Variants in MALT1 observed in about 807,000 individuals in gnomAD.
MALT1 encodes the protein mucosa-associated lymphoid tissue lymphoma translocation protein 1.
A neutral mutation model predicts 85.5 loss-of-function variants in MALT1; 36 were observed. The ratio of observed to expected loss-of-function variants is 0.42; its 90% confidence interval spans 0.32 to 0.56. MALT1 has a LOEUF of 0.56. Ranked by LOEUF, MALT1 falls within the 20% of genes least tolerant of loss-of-function variation. MALT1 has a pLI of 0.10. For synonymous variants in MALT1, 359 were observed against 361.3 expected (o/e 0.99, Z 0.07); for missense variants, 716 against 981.6 (o/e 0.73, Z 3.62).
chr18:58,736,933 CCT>C (rs1253157467), intron 13 of MALT1, among the ~76,000 whole-genome samples: 11 of 152,280 alleles, frequency 7.2e-5, no homozygotes, highest in Admixed American at 4.6e-4. Flanking sequence ...GTGTCTGACC[CCT>C]GTCTTAGTAG....
intron 13 of MALT1, among the ~76,000 whole-genome samples, chr18:58,737,446 T>C (rs1317957690): frequency 7.0e-6 from 1 of 142,824 alleles, no homozygotes; most frequent in Non-Finnish European, 1.5e-5. Flanking sequence ...ACACCACTGC[T>C]CTCCAGCATG....
At chr18:58,727,616 G>GTGTTTTTTTTTTTTT (rs2055077198) in intron 10 of MALT1, among the ~76,000 whole-genome samples, 2 of 121,264 alleles carry the variant, frequency 1.6e-5, no homozygotes, top group African/African-American at 6.5e-5. Flanking sequence ...GGTTTTTTGT[G>GTGTTTTTTTTTTTTT]TTTTTTTTTT....
At position 58,747,849 on chromosome 18, in the gene MALT1, T is replaced by C. The variant is rs764214098; in HGVS notation, c.*7T>C. ...CAGAATTTCTGAAAAATGACCTCCT[T>C]GTTTTTGAAAGTTAGCATAATTTTA... On this transcript the variant is annotated 3_prime_UTR_variant, in exon 17 of 17. Transcript: ENST00000649217. 6.2e-6 allele frequency: 10 copies of C among 1,607,138 alleles called. No homozygotes were observed. The highest frequency in any genetic ancestry group is 1.1e-5 in the South Asian group (1 of 90,514).
At position 58,749,221 on chromosome 18, in the gene MALT1, G is replaced by T. The variant is rs1602348959; in HGVS notation, c.*1379G>T. The stretch of plus-strand genomic sequence containing the variant: ...AAATATGGAACAACTGCTTTTAGGA[G>T]AAAGTGTATTTGTGTATATGTGTGT... On this transcript the variant is annotated 3_prime_UTR_variant, in exon 17 of 17. Coordinates refer to ENST00000649217, the MANE Select transcript of MALT1 (RefSeq NM_006785.4). 4 of 216,830 alleles carry T rather than the reference G, an allele frequency of 1.8e-5. No individual in the cohort carries two copies. The East Asian group carries it at 2.8e-4, about 15-fold the overall frequency. The allele number at this position is 216,830 out of a possible 1,614,324, so 13.4% of individuals were successfully genotyped here.
At chr18:58,684,352 A>T (rs190237650) in intron 2 of MALT1, among the ~76,000 whole-genome samples, 36 of 151,780 alleles carry the variant, frequency 2.4e-4, no homozygotes, top group African/African-American at 8.7e-4. Flanking sequence ...ACATTTTGAG[A>T]TCTAATAAAG....
chr18:58,735,284 T>C lies in MALT1; in HGVS notation c.1558T>C (p.Leu520=). The C allele has an allele frequency of 6.2e-7, 1 of 1,608,792 alleles. No homozygotes were observed. Among genetic ancestry groups the C allele is most frequent in the Non-Finnish European group, 8.5e-7 (1 of 1,178,110 alleles). The part of the protein sequence containing the change: ...IFMKFLKDRL[L]EDKKITVLLD... Reference sequence around the variant, plus strand: ...TATGAAATTTTTAAAAGACAGATTATTAGAAGATAAGAAAATCACTGTGTT... The same window carrying C: ...TATGAAATTTTTAAAAGACAGATTACTAGAAGATAAGAAAATCACTGTGTT... The change falls in exon 13 of 17, where the codon TTA becomes CTA. Residue 520 remains leucine, a synonymous_variant. Coordinates refer to ENST00000649217, the MANE Select transcript of MALT1 (RefSeq NM_006785.4).
intron 6 of MALT1, among the ~76,000 whole-genome samples, 158 bp from the exon 7 acceptor site, chr18:58,710,763 T>G (rs1469920358): frequency 6.6e-6 from 1 of 152,268 alleles, no homozygotes; most frequent in Non-Finnish European, 1.5e-5. Context: ...TATTTCAGCT[T>G]AATATATTTA....
chr18:58,689,216 A>G (rs2054457846), intron 2 of MALT1, among the ~76,000 whole-genome samples: 1 of 151,796 alleles, frequency 6.6e-6, no homozygotes, highest in South Asian at 2.1e-4. Context: ...TTAAAAGGCA[A>G]GAAAACCTAG....
At chr18:58,712,631 G>A (rs997309412) in intron 7 of MALT1, among the ~76,000 whole-genome samples, 2 of 152,108 alleles carry the variant, frequency 1.3e-5, no homozygotes, top group African/African-American at 4.8e-5. Flanking sequence ...ACAGTAGGGT[G>A]ACAATAGGTA....
chr18:58,703,287 G>A (rs1010179619), intron 4 of MALT1, among the ~76,000 whole-genome samples: 4 of 152,188 alleles, frequency 2.6e-5, no homozygotes, highest in Middle Eastern at 3.4e-3. Flanking sequence ...AACCCAGGGG[G>A]CGGAGGTTGC....
intron 4 of MALT1, among the ~76,000 whole-genome samples, chr18:58,706,392 T>C (rs538148990): frequency 8.1e-4 from 123 of 152,258 alleles, no homozygotes; most frequent in Non-Finnish European, 1.4e-3. Context: ...CCTGACCTAA[T>C]GATCCACCTG....
chr18:58,725,650 G>A (rs935858850), intron 10 of MALT1, among the ~76,000 whole-genome samples: 1 of 152,064 alleles, frequency 6.6e-6, no homozygotes, highest in African/African-American at 2.4e-5. Flanking sequence ...TTTCTGTATT[G>A]GTGAAGTATT....
chr18:58,737,534 C>A (rs72957651), intron 13 of MALT1, among the ~76,000 whole-genome samples: 25,470 of 151,170 alleles, frequency 0.17, 2,709 homozygotes, highest in East Asian at 0.29. Context: ...AGATTATAAG[C>A]CAAGCAGTTG....
At chr18:58,734,787 A>G (rs2055202107) in intron 12 of MALT1, among the ~76,000 whole-genome samples, 1 of 152,236 alleles carries the variant, frequency 6.6e-6, no homozygotes, top group African/African-American at 2.4e-5. Flanking sequence ...TATCAATGTC[A>G]TGTGAGAGGC....
chr18:58,709,396 C>G lies in MALT1; in HGVS notation c.668C>G (p.Ser223Cys), dbSNP rs1242811904. ...ESFQRSVDGV[S>C]ESKLQICVEP... Reference sequence around the variant, plus strand: ...ATTTAAGGAAGTGTTGATGGCGTCTCTGAATCCAAGTTGCAAATCTGTGTT... The same window carrying G: ...ATTTAAGGAAGTGTTGATGGCGTCTGTGAATCCAAGTTGCAAATCTGTGTT... The change falls in exon 5 of 17, where the codon TCT (serine) becomes TGT (cysteine). Residue 223 changes from serine to cysteine, a missense_variant. Ser to Cys is a moderately radical substitution (Grantham distance 112). Coordinates refer to ENST00000649217, the MANE Select transcript of MALT1 (RefSeq NM_006785.4). 6.3e-7 allele frequency: 1 copy of G among 1,589,950 alleles called. No individual in the cohort carries two copies. The highest frequency in any genetic ancestry group is 1.4e-5 in the African/African-American group (1 of 73,844).
At chr18:58,711,501 G>A (rs1484592310) in intron 7 of MALT1, among the ~76,000 whole-genome samples, 2 of 152,090 alleles carry the variant, frequency 1.3e-5, no homozygotes, top group African/African-American at 2.4e-5. Flanking sequence ...AATCTACCAT[G>A]TCACCTTTAC....
At position 58,742,030 on chromosome 18, in the gene MALT1, T is replaced by A. The variant is rs1568155848; in HGVS notation, c.1753+16T>A. 2 of 1,473,798 alleles carry A rather than the reference T, an allele frequency of 1.4e-6. No individual in the cohort carries two copies. Among genetic ancestry groups the A allele is most frequent in the Admixed American group, 1.8e-5 (1 of 54,422 alleles). 91.3% of individuals were successfully genotyped at this position (1,473,798 alleles called of 1,614,324 possible). On this transcript the variant is annotated intron_variant, in intron 14 of 16. Transcript: ENST00000649217. The stretch of plus-strand genomic sequence containing the variant: ...AAGGCTCATGGTACGGTAAAGCCCA[T>A]TTTTTGTTAGATCTACAATATACTT...
At position 58,750,474 on chromosome 18, in the gene MALT1, C is replaced by T. The variant is rs777038010; in HGVS notation, c.*2632C>T. The T allele has an allele frequency of 4.6e-5, 7 of 152,134 alleles. No homozygotes were observed. The highest frequency in any genetic ancestry group is 2.1e-4 in the South Asian group (1 of 4,826). 9.4% of individuals were successfully genotyped at this position (152,134 alleles called of 1,614,324 possible). ...CTTGGAAAAGAACAAAGTTGGAAGA[C>T]GTACCAATTTCAAAAAGTGCTACCA... On this transcript the variant is annotated 3_prime_UTR_variant, in exon 17 of 17. Coordinates refer to ENST00000649217, the MANE Select transcript of MALT1 (RefSeq NM_006785.4).
chr18:58,748,056 G>A lies in MALT1; in HGVS notation c.*214G>A, dbSNP rs566684302. On this transcript the variant is annotated 3_prime_UTR_variant, in exon 17 of 17. Transcript: ENST00000649217. ...TAAGATTTTGTGAATTGGTTGAATA[G>A]TTCTATACAAATGAAGTATGGAGGT... 1.8e-6 allele frequency: 1 copy of A among 541,322 alleles called. No homozygotes were observed. The highest frequency in any genetic ancestry group is 2.1e-5 in the South Asian group (1 of 47,818). 33.5% of individuals were successfully genotyped at this position (541,322 alleles called of 1,614,324 possible). A position where few individuals can be genotyped will look rare whatever the true frequency, so the allele number is the denominator to read the frequency against.
Sources: allele counts gnomAD v4.1 joint callset (sites outside exome capture counted in the v4.1 genomes callset), GRCh38; gene constraint gnomAD v4.1.1; transcripts MANE v1.5; gene names NCBI Gene and HGNC (gene_info 2026-07-23, HGNC 2026-07-21).